The following SLIT3 variants were observed in gnomAD, a reference collection of about 807,000 sequenced individuals.
SLIT3 encodes the protein slit homolog 3 protein.
In SLIT3, 68 loss-of-function variants were observed where a neutral mutation model predicts 184.0. That is an observed-to-expected ratio of 0.37 (90% CI 0.30 to 0.45). The LOEUF (loss-of-function observed/expected upper bound fraction) is 0.45. Among genes scored for constraint, SLIT3 ranks in the 20% least tolerant of loss-of-function variants. The pLI is 1.00. For synonymous variants in SLIT3, 831 were observed against 828.6 expected (o/e 1.00, Z -0.05); for missense variants, 1,707 against 2,026.0 (o/e 0.84, Z 3.02).
At chr5:169,240,874 T>C (rs2113572462) in intron 3 of SLIT3, among the ~76,000 whole-genome samples, 1 of 148,362 alleles carries the variant, frequency 6.7e-6, no homozygotes, top group East Asian at 2.1e-4. Flanking sequence ...CATAATTTTT[T>C]GGCTTTTTTT....
intron 35 of SLIT3, among the ~76,000 whole-genome samples, chr5:168,669,550 G>A (rs1396298792): frequency 1.3e-5 from 2 of 152,320 alleles, no homozygotes; most frequent in East Asian, 3.9e-4. Context: ...GTTTTTTGTG[G>A]TTTTGAACTG....
chr5:168,724,398 C>T lies in SLIT3; in HGVS notation c.2339+18G>A. On this transcript the variant is annotated intron_variant, in intron 21 of 35. Coordinates refer to ENST00000519560, the MANE Select transcript of SLIT3 (RefSeq NM_003062.4). ...AGCAGGGAAAAATAAACATCCCACC[C>T]AATACTGGGCTCCTTACATAAGCGT... The T allele has an allele frequency of 6.2e-7, 1 of 1,606,754 alleles. No homozygotes were observed. The highest frequency in any genetic ancestry group is 2.2e-5 in the East Asian group (1 of 44,774).
chr5:169,117,798 T>C (rs910087352), intron 4 of SLIT3, among the ~76,000 whole-genome samples: 3 of 152,214 alleles, frequency 2.0e-5, no homozygotes, highest in Non-Finnish European at 4.4e-5. Flanking sequence ...GAGTGCCAAA[T>C]ATTGCCAATG....
chr5:168,864,862 G>C (rs59430495), intron 5 of SLIT3, among the ~76,000 whole-genome samples: 2,735 of 152,258 alleles, frequency 0.018, 79 homozygotes, highest in African/African-American at 0.061. Context: ...GTAATGTTTG[G>C]TCATTGTAGC....
At chr5:168,895,377 A>C (rs994298699) in intron 4 of SLIT3, among the ~76,000 whole-genome samples, 5 of 152,172 alleles carry the variant, frequency 3.3e-5, no homozygotes, top group African/African-American at 1.2e-4. Flanking sequence ...CTGCAGCTCA[A>C]GGACATGGGA....
At position 168,700,532 on chromosome 5, in the gene SLIT3, A is replaced by G. The variant is rs570015504; in HGVS notation, c.2942+50T>C. 20 of 1,249,338 alleles carry G rather than the reference A, an allele frequency of 1.6e-5. 1 individual carries two copies. In the Middle Eastern group the frequency reaches 6.0e-4, roughly 38 times the overall value. The allele number at this position is 1,249,338 out of a possible 1,614,324, so 77.4% of individuals were successfully genotyped here. A position where few individuals can be genotyped will look rare whatever the true frequency, so the allele number is the denominator to read the frequency against. On this transcript the variant is annotated intron_variant, in intron 27 of 35. Coordinates refer to ENST00000519560, the MANE Select transcript of SLIT3 (RefSeq NM_003062.4). ...CAGTCTTGGGTATGTCTTTATTAGC[A>G]GTGTGAGAGCAAACTAATACAGTGA...
At chr5:169,006,505 T>C (rs1755931683) in intron 4 of SLIT3, among the ~76,000 whole-genome samples, 1 of 152,090 alleles carries the variant, frequency 6.6e-6, no homozygotes, top group African/African-American at 2.4e-5. Context: ...CAAGAGGGTT[T>C]TGTTTTTTAA....
At chr5:168,859,259 G>T (rs1019611627) in intron 5 of SLIT3, among the ~76,000 whole-genome samples, 6 of 152,110 alleles carry the variant, frequency 3.9e-5, no homozygotes, top group Admixed American at 3.3e-4. Context: ...CTGTACAAAA[G>T]GTTTGCATTA....
chr5:169,209,407 T>C (rs1764180744), intron 3 of SLIT3, among the ~76,000 whole-genome samples: 1 of 152,100 alleles, frequency 6.6e-6, no homozygotes, highest in South Asian at 2.1e-4. Context: ...TCCTCAAGGA[T>C]CTAGAACCAG....
At chr5:168,767,421 CTCTT>C (rs992247978) in intron 14 of SLIT3, among the ~76,000 whole-genome samples, 18 of 152,316 alleles carry the variant, frequency 1.2e-4, no homozygotes, top group African/African-American at 4.1e-4. Flanking sequence ...CAAGATCCCT[CTCTT>C]TATTATCAGA....
At chr5:168,735,608 A>G (rs1486194950) in intron 20 of SLIT3, among the ~76,000 whole-genome samples, 3 of 151,828 alleles carry the variant, frequency 2.0e-5, no homozygotes, top group Admixed American at 6.6e-5. Flanking sequence ...TACCCGGCAC[A>G]CTGGTGGCCA....
intron 6 of SLIT3, 87 bp downstream of exon 6, chr5:168,844,497 T>A: frequency 8.2e-7 from 1 of 1,221,972 alleles, no homozygotes; most frequent in Non-Finnish European, 1.2e-6. Flanking sequence ...CTGCACACAC[T>A]CTCCCCCTCT....
intron 20 of SLIT3, among the ~76,000 whole-genome samples, chr5:168,742,386 C>A (rs1763662358): frequency 6.7e-6 from 1 of 148,980 alleles, no homozygotes; most frequent in South Asian, 2.2e-4. Flanking sequence ...CCAGAGAGGC[C>A]TCTGATGGGA....
chr5:168,766,071 A>G (rs1169787410), intron 14 of SLIT3, among the ~76,000 whole-genome samples: 1 of 152,168 alleles, frequency 6.6e-6, no homozygotes, highest in African/African-American at 2.4e-5. Flanking sequence ...CCATGTTTGA[A>G]TGGACTTGGC....
At chr5:168,955,813 G>C (rs987513916) in intron 4 of SLIT3, among the ~76,000 whole-genome samples, 2 of 152,212 alleles carry the variant, frequency 1.3e-5, no homozygotes, top group Admixed American at 1.3e-4. Context: ...CTCTAATGGT[G>C]AGTCTGTTTA....
chr5:168,870,635 T>C (rs1018661608), intron 5 of SLIT3, among the ~76,000 whole-genome samples: 3 of 152,206 alleles, frequency 2.0e-5, no homozygotes, highest in African/African-American at 7.2e-5. Flanking sequence ...TGGTGGAAGA[T>C]GGCCTCAAAG....
chr5:168,673,434 AC>A lies in SLIT3; in HGVS notation c.3687-104del, dbSNP rs1342806095. On this transcript the variant is annotated intron_variant, in intron 32 of 35. Transcript: ENST00000519560. The stretch of plus-strand genomic sequence containing the variant: ...ACCTGCATTGCTTACATTTTGTTTT[AC>A]TTTTTATTTGGAAATAACTTTAAAC... The A allele has an allele frequency of 3.6e-6, 4 of 1,115,464 alleles. No homozygotes were observed. In the Admixed American group the frequency reaches 1.0e-4, roughly 29 times the overall value. 69.1% of individuals were successfully genotyped at this position (1,115,464 alleles called of 1,614,324 possible). A position where few individuals can be genotyped will look rare whatever the true frequency, so the allele number is the denominator to read the frequency against.
At chr5:168,699,818 CA>C (rs2113280336) in intron 27 of SLIT3, among the ~76,000 whole-genome samples, 1 of 152,252 alleles carries the variant, frequency 6.6e-6, no homozygotes, top group East Asian at 1.9e-4. Context: ...TGGTACCTGG[CA>C]TAGTGAGCAT....
At chr5:169,020,061 G>GT (rs1441797050) in intron 4 of SLIT3, among the ~76,000 whole-genome samples, 2 of 152,268 alleles carry the variant, frequency 1.3e-5, no homozygotes, top group African/African-American at 2.4e-5. Context: ...CTGCCATTTA[G>GT]TTTTTTTACA....
Sources: allele counts gnomAD v4.1 joint callset (sites outside exome capture counted in the v4.1 genomes callset), GRCh38; gene constraint gnomAD v4.1.1; transcripts MANE v1.5; gene names NCBI Gene and HGNC (gene_info 2026-07-23, HGNC 2026-07-21).